SLC6A16: variants seen among roughly 807,000 people sequenced by gnomAD.
The protein encoded by SLC6A16 is orphan sodium- and chloride-dependent neurotransmitter transporter NTT5.
SLC6A16 carries 54 observed loss-of-function variants against 65.4 expected under a neutral mutation model. The observed-to-expected ratio is 0.83, with a 90% confidence interval of 0.66 to 1.04. The LOEUF is 1.04. Ranked by LOEUF, SLC6A16 falls within the 50% of genes least tolerant of loss-of-function variation. SLC6A16 has a pLI of 0.00. For synonymous variants in SLC6A16, 330 were observed against 346.5 expected (o/e 0.95, Z 0.53); for missense variants, 816 against 914.0 (o/e 0.89, Z 1.38).
At chr19:49,305,905 A>G (rs749800981) in intron 7 of SLC6A16, 5 of 152,216 alleles carry the variant, frequency 3.3e-5, no homozygotes, top group Non-Finnish European at 7.3e-5. Context: ...CATTGTTTTA[A>G]TAGCATAAAA....
intron 1 of SLC6A16, among the ~76,000 whole-genome samples, chr19:49,324,080 A>T (rs1280274509): frequency 2.0e-5 from 3 of 152,036 alleles, no homozygotes; most frequent in Admixed American, 1.3e-4. Flanking sequence ...CTGTAATCTC[A>T]GCACTTTAGG....
chr19:49,328,902 C>T (rs1970822945), upstream of SLC6A16, among the ~76,000 whole-genome samples: 1 of 152,198 alleles, frequency 6.6e-6, no homozygotes, highest in East Asian at 1.9e-4. Context: ...GCTGAAATTT[C>T]CTGCCAGCAA....
chr19:49,294,567 G>A lies in SLC6A16; in HGVS notation c.1230-14C>T. 6.3e-7 allele frequency: 1 copy of A among 1,582,378 alleles called. No individual in the cohort carries two copies. The highest frequency in any genetic ancestry group is 8.6e-7 in the Non-Finnish European group (1 of 1,165,704). On this transcript the variant is annotated splice_polypyrimidine_tract_variant and intron_variant, in intron 7 of 11. Coordinates refer to ENST00000335875, the MANE Select transcript of SLC6A16 (RefSeq NM_014037.3). ...ATTTCAGCATTCCTGGGGATAGAGG[G>A]TTGAATCAAATCGAACCATTTGGCC...
At chr19:49,329,155 C>A (rs1970824842), upstream of SLC6A16, among the ~76,000 whole-genome samples, 1 of 151,944 alleles carries the variant, frequency 6.6e-6, no homozygotes. Flanking sequence ...TGCAGTGGTG[C>A]GATCTCAGCT....
At chr19:49,338,920 G>C in the SLC6A16 span, 1 of 1,613,054 alleles carries the variant, frequency 6.2e-7, no homozygotes, top group Non-Finnish European at 8.5e-7. This position sits in a 1 kb window ranked among gnomAD's most constrained non-coding sequence, Gnocchi z 5.0. Flanking sequence ...CCTGCAGAGA[G>C]CCACATCTAC....
chr19:49,298,175 T>C (rs1276015723), intron 7 of SLC6A16, among the ~76,000 whole-genome samples: 3 of 152,116 alleles, frequency 2.0e-5, no homozygotes, highest in Non-Finnish European at 2.9e-5. Context: ...AGAGAAACAA[T>C]GTTAAAAGGT....
chr19:49,290,257 C>T lies in SLC6A16; in HGVS notation c.2077G>A (p.Gly693Arg), dbSNP rs758392741. The T allele has an allele frequency of 1.6e-5, 26 of 1,613,974 alleles. No homozygotes were observed. Among genetic ancestry groups the T allele is most frequent in the African/African-American group, 2.7e-5 (2 of 74,882 alleles). Residue 693 changes from glycine (G) to arginine (R), a missense_variant, in exon 12 of 12, where the codon GGA (glycine) becomes AGA (arginine). Coordinates refer to ENST00000335875, the MANE Select transcript of SLC6A16 (RefSeq NM_014037.3). ...GTGGAGGCTGTCATAGGCCCGTCTC[C>T]GCTCTTGGGCCTGAAGGGAATCCTA... ...IHRIPFRPKS[G>R]DGPMTASTSL... is the part of the protein sequence containing the mutation.
At chr19:49,326,618 G>C (rs183024061), upstream of SLC6A16, among the ~76,000 whole-genome samples, 1 of 152,324 alleles carries the variant, frequency 6.6e-6, no homozygotes, top group East Asian at 1.9e-4. Flanking sequence ...ACTGGGAATA[G>C]TGTAGAGAAC....
At chr19:49,333,171 A>AAAC in the SLC6A16 span, among the ~76,000 whole-genome samples, 11 of 151,422 alleles carry the variant, frequency 7.3e-5, no homozygotes, top group South Asian at 2.1e-4. Flanking sequence ...CAAAACAAAC[A>AAAC]AACAACAACA....
At chr19:49,308,718 A>G in intron 7 of SLC6A16, 158 bp downstream of exon 7, 2 of 776,850 alleles carry the variant, frequency 2.6e-6, no homozygotes, top group South Asian at 3.4e-5. Flanking sequence ...AGGAGATTCT[A>G]TTGTCTCCAT....
chr19:49,338,823 A>G, the SLC6A16 span: 2 of 1,614,050 alleles, frequency 1.2e-6, no homozygotes, highest in Non-Finnish European at 1.7e-6. The surrounding 1 kb of genome is among the most constrained non-coding windows in gnomAD (Gnocchi z 5.0). Flanking sequence ...CAACGACTCC[A>G]CAATCCTAGA....
the SLC6A16 span, chr19:49,339,697 GCA>G: frequency 7.1e-7 from 1 of 1,411,710 alleles, no homozygotes; most frequent in Non-Finnish European, 9.2e-7. This position sits in a 1 kb window ranked among gnomAD's most constrained non-coding sequence, Gnocchi z 4.5. Context: ...ACAGCGCAGG[GCA>G]CTCCGCCGGA....
At chr19:49,335,363 T>G in the SLC6A16 span, 1 of 619,046 alleles carries the variant, frequency 1.6e-6, no homozygotes, top group Non-Finnish European at 2.9e-6. This position sits in a 1 kb window ranked among gnomAD's most constrained non-coding sequence, Gnocchi z 4.6. Context: ...GAAAGCCACC[T>G]TACATGAAGC....
At chr19:49,313,666 G>A (rs1195156653) in intron 1 of SLC6A16, among the ~76,000 whole-genome samples, 1 of 150,816 alleles carries the variant, frequency 6.6e-6, no homozygotes, top group Non-Finnish European at 1.5e-5. Flanking sequence ...CATGGTGGCA[G>A]GCACCTGTAA....
At chr19:49,337,415 C>T in the SLC6A16 span, among the ~76,000 whole-genome samples, 1 of 151,970 alleles carries the variant, frequency 6.6e-6, no homozygotes, top group African/African-American at 2.4e-5. Flanking sequence ...AGGTGGGAGT[C>T]CAGGAGTTTG....
At chr19:49,310,599 A>C (rs1267541249) in intron 2 of SLC6A16, 89 bp from the exon 3 acceptor site, 2 of 1,434,096 alleles carry the variant, frequency 1.4e-6, no homozygotes, top group Non-Finnish European at 1.9e-6. Context: ...TCTCCCTACC[A>C]GCGACCTCTT....
the SLC6A16 span, among the ~76,000 whole-genome samples, chr19:49,330,395 C>T: frequency 1.3e-5 from 2 of 151,956 alleles, no homozygotes; most frequent in African/African-American, 2.4e-5. Flanking sequence ...TTGTAGATTG[C>T]GATGAACACT....
intron 1 of SLC6A16, chr19:49,312,595 A>G: frequency 1.0e-6 from 1 of 984,110 alleles, no homozygotes; most frequent in Non-Finnish European, 1.2e-6. Flanking sequence ...TACAAGAGAA[A>G]AGGCAAGGAG....
intron 7 of SLC6A16, among the ~76,000 whole-genome samples, chr19:49,299,880 G>A (rs575468498): frequency 1.3e-4 from 13 of 101,054 alleles, no homozygotes; most frequent in South Asian, 4.4e-4. Flanking sequence ...AAAACTAGCC[G>A]GGCGTGGTGG....
Sources: gnomAD v4.1 joint callset for allele counts (sites outside exome capture counted in the v4.1 genomes callset) on GRCh38, gnomAD v4.1.1 for gene constraint, Gnocchi (gnomAD v3.1) non-coding constraint, MANE v1.5 for transcripts, NCBI Gene and HGNC (gene_info 2026-07-23, HGNC 2026-07-21) for gene names.